Variants in PALM observed in about 807,000 individuals in gnomAD.
PALM encodes the protein paralemmin, also known as paralemmin-1.
In PALM, 18 loss-of-function variants were observed where a neutral mutation model predicts 30.7. That is an observed-to-expected ratio of 0.59 (90% CI 0.41 to 0.87). The LOEUF is 0.87. PALM is among the 40% of genes least tolerant of loss of function. PALM has a pLI of 0.00. For synonymous variants in PALM, 286 were observed against 242.8 expected (o/e 1.18, Z -1.66); for missense variants, 529 against 555.4 (o/e 0.95, Z 0.48).
At chr19:737,321 C>T (rs1261291422) in intron 7 of PALM, among the ~76,000 whole-genome samples, 1 of 152,238 alleles carries the variant, frequency 6.6e-6, no homozygotes, top group Non-Finnish European at 1.5e-5. Context: ...CAGTGCACAA[C>T]CTGCTCAACA....
intron 1 of PALM, among the ~76,000 whole-genome samples, chr19:723,651 C>T (rs1484382655): frequency 6.8e-6 from 1 of 146,212 alleles, no homozygotes; most frequent in Non-Finnish European, 1.5e-5. Context: ...GAGTGCAGCG[C>T]GTGATCTCTG....
At chr19:738,605 TG>T (rs2033093996) in intron 7 of PALM, among the ~76,000 whole-genome samples, 1 of 151,014 alleles carries the variant, frequency 6.6e-6, no homozygotes, top group Non-Finnish European at 1.5e-5. Context: ...GGGGGCAGAT[TG>T]GGAGTAGTGT....
intron 1 of PALM, among the ~76,000 whole-genome samples, chr19:717,179 T>C (rs982735360): frequency 2.6e-5 from 4 of 152,156 alleles, no homozygotes; most frequent in African/African-American, 9.7e-5. Flanking sequence ...CCACCTGCCT[T>C]GGCCTCCCAA....
intron 1 of PALM, among the ~76,000 whole-genome samples, chr19:720,056 A>G (rs1054904984): frequency 4.0e-4 from 61 of 151,524 alleles, no homozygotes; most frequent in African/African-American, 1.4e-3. Context: ...CCGGACGCCC[A>G]GACGGGGACC....
intron 7 of PALM, among the ~76,000 whole-genome samples, chr19:739,900 G>A (rs773707406): frequency 3.3e-5 from 5 of 152,098 alleles, no homozygotes; most frequent in Middle Eastern, 3.2e-3. Context: ...CGCTAGAACC[G>A]GGAGGTGAGT....
At position 727,146 on chromosome 19, in the gene PALM, C is replaced by T; in HGVS notation, c.138+58C>T. ...GTGCAGGCGGCTGTGAGGCGGAGGC[C>T]CCGGACTCCTGCCCAACCCTGACCC... On this transcript the variant is annotated intron_variant, in intron 3 of 8. Transcript: ENST00000338448. 4 of 1,168,336 alleles carry T rather than the reference C, an allele frequency of 3.4e-6. No homozygotes were observed. In the Admixed American group the frequency reaches 8.0e-5, roughly 23 times the overall value. The allele number at this position is 1,168,336 out of a possible 1,614,324, so 72.4% of individuals were successfully genotyped here.
chr19:732,137 C>T (rs1046628944), intron 5 of PALM, among the ~76,000 whole-genome samples: 18 of 152,174 alleles, frequency 1.2e-4, no homozygotes, highest in African/African-American at 3.1e-4. Flanking sequence ...CCACCACGCC[C>T]GGCTAATTTC....
chr19:710,395 G>A (rs2032032743), intron 1 of PALM, among the ~76,000 whole-genome samples: 1 of 152,162 alleles, frequency 6.6e-6, no homozygotes, highest in African/African-American at 2.4e-5. Context: ...CCAGGGCCCA[G>A]ACTTGCCTGC....
At chr19:714,009 AT>A (rs2032172355) in intron 1 of PALM, among the ~76,000 whole-genome samples, 1 of 150,264 alleles carries the variant, frequency 6.7e-6, no homozygotes, top group Non-Finnish European at 1.5e-5. Context: ...GGTTCAAGCC[AT>A]TCCCCTGTCT....
chr19:722,257 C>T (rs922537667), intron 1 of PALM, among the ~76,000 whole-genome samples: 8 of 152,190 alleles, frequency 5.3e-5, no homozygotes, highest in Non-Finnish European at 1.0e-4. Context: ...GCTCTGTCAC[C>T]TAGGCTGGAG....
At chr19:740,570 C>G in intron 8 of PALM, 87 bp downstream of exon 8, 1 of 1,261,454 alleles carries the variant, frequency 7.9e-7, no homozygotes, top group Non-Finnish European at 1.1e-6. Context: ...TGGCGTCTGC[C>G]CCGGAATCAG....
At chr19:720,377 CGGGGAGGGGCGAGGGGGGCGCCGGGTCT>C (rs1198606039) in intron 1 of PALM, among the ~76,000 whole-genome samples, 48 of 75,024 alleles carry the variant, frequency 6.4e-4, no homozygotes, top group African/African-American at 1.1e-3. Context: ...CGTCCAGGCC[CGGGGAGGGGCGAGGGGGGCGCCGGGTCT>C]GGGGAGGGGC....
intron 1 of PALM, among the ~76,000 whole-genome samples, chr19:716,306 G>A (rs1001187418): frequency 2.6e-5 from 4 of 152,112 alleles, no homozygotes; most frequent in South Asian, 2.1e-4. Context: ...CCAGCTACTC[G>A]GGAGGCTGAG....
In PALM at chr19:709,122, G is replaced by A. The variant is rs1429879498; in HGVS notation, c.-25G>A. On this transcript the variant is annotated 5_prime_UTR_variant, in exon 1 of 9. Transcript: ENST00000338448. This position sits in a 1 kb window ranked among gnomAD's most constrained non-coding sequence, Gnocchi z 4.3. Reference sequence around the variant, plus strand: ...GCGCCCGCCCCCGCCCGGCACCGCGGACCCACCCGGACCTCGGCGGGGAGA... The same window carrying A: ...GCGCCCGCCCCCGCCCGGCACCGCGAACCCACCCGGACCTCGGCGGGGAGA... 3.2e-6 allele frequency: 1 copy of A among 309,226 alleles called. No homozygotes were observed. The highest frequency in any genetic ancestry group is 5.9e-6 in the Non-Finnish European group (1 of 168,786). 19.2% of individuals were successfully genotyped at this position (309,226 alleles called of 1,614,324 possible). A position where few individuals can be genotyped will look rare whatever the true frequency, so the allele number is the denominator to read the frequency against.
chr19:709,692 G>C lies in PALM; in HGVS notation c.5+541G>C, dbSNP rs943516429. 6.6e-6 allele frequency among the ~76,000 whole-genome samples: 1 copy of C among 152,174 alleles called. No individual in the cohort carries two copies. The highest frequency in any genetic ancestry group is 1.5e-5 in the Non-Finnish European group (1 of 68,022). On this transcript the variant is annotated intron_variant, in intron 1 of 8. Transcript: ENST00000338448. The surrounding 1 kb of genome is among the most constrained non-coding windows in gnomAD (Gnocchi z 4.3). ...TCCTGAGCCCCCCGCCACTGCGCAG[G>C]TCCCGAGTTACCGCTGGAGGGAGAG...
intron 1 of PALM, among the ~76,000 whole-genome samples, chr19:721,062 T>G (rs2032461471): frequency 6.6e-6 from 1 of 152,108 alleles, no homozygotes; most frequent in Non-Finnish European, 1.5e-5. Context: ...TGGACGTGGC[T>G]TCCAGCCATG....
intron 1 of PALM, chr19:719,292 C>T (rs2032374700): frequency 6.1e-6 from 6 of 985,388 alleles, no homozygotes; most frequent in Non-Finnish European, 6.0e-6. Flanking sequence ...AACACCAACG[C>T]CCCGCACCGC....
chr19:735,065 G>C, intron 6 of PALM: 1 of 988,998 alleles, frequency 1.0e-6, no homozygotes, highest in Non-Finnish European at 1.2e-6. Flanking sequence ...GGAATGAACT[G>C]TGAGGCTGCC....
chr19:730,519 G>A (rs540766997), intron 4 of PALM, among the ~76,000 whole-genome samples: 2 of 152,302 alleles, frequency 1.3e-5, no homozygotes, highest in South Asian at 4.1e-4. Flanking sequence ...AGCGGGAAAG[G>A]AGAGTTCATT....
Sources: allele counts gnomAD v4.1 joint callset (sites outside exome capture counted in the v4.1 genomes callset), GRCh38; gene constraint gnomAD v4.1.1; non-coding constraint Gnocchi (gnomAD v3.1); transcripts MANE v1.5; gene names NCBI Gene and HGNC (gene_info 2026-07-23, HGNC 2026-07-21).